Variants in LOXHD1 observed in about 807,000 individuals in gnomAD.
LOXHD1 encodes the protein lipoxygenase homology domain-containing protein 1.
Under a neutral mutation model 248.2 loss-of-function variants are expected in LOXHD1, and 205 were observed. The ratio of observed to expected loss-of-function variants is 0.83; its 90% CI spans 0.74 to 0.93. The LOEUF is 0.93. Among genes scored for constraint, LOXHD1 ranks in the 40% least tolerant of loss-of-function variants. The pLI is 0.00. For synonymous variants in LOXHD1, 1,113 were observed against 1,162.8 expected (o/e 0.96, Z 0.87); for missense variants, 2,930 against 2,971.6 (o/e 0.99, Z 0.33).
chr18:46,510,010 G>C (rs2034860935), intron 34 of LOXHD1, among the ~76,000 whole-genome samples, 195 bp from the exon 35 acceptor site: 1 of 152,206 alleles, frequency 6.6e-6, no homozygotes, highest in Non-Finnish European at 1.5e-5. Flanking sequence ...GGTTAAGTGA[G>C]TTTGGCTAGT....
intron 28 of LOXHD1, 92 bp from the exon 29 acceptor site, chr18:46,529,423 A>G: frequency 7.0e-7 from 1 of 1,424,724 alleles, no homozygotes; most frequent in Non-Finnish European, 9.4e-7. Flanking sequence ...AGGAGGTGCT[A>G]AGCTTCTGGC....
chr18:46,514,444 A>C (rs938340538), intron 34 of LOXHD1, among the ~76,000 whole-genome samples: 11 of 152,222 alleles, frequency 7.2e-5, no homozygotes, highest in Admixed American at 2.6e-4. Flanking sequence ...TCTTCTGCCC[A>C]TGAAGTCCCC....
intron 4 of LOXHD1, 145 bp downstream of exon 4, chr18:46,639,471 C>T: frequency 3.1e-6 from 3 of 974,644 alleles, no homozygotes; most frequent in Non-Finnish European, 4.4e-6. Context: ...GGGGCTTCCC[C>T]TTGGCCCTAA....
intron 34 of LOXHD1, among the ~76,000 whole-genome samples, chr18:46,516,959 T>C (rs1303130988): frequency 6.6e-6 from 1 of 152,124 alleles, no homozygotes; most frequent in Non-Finnish European, 1.5e-5. Context: ...TCATCCACAA[T>C]GTCCTCATCA....
intron 29 of LOXHD1, among the ~76,000 whole-genome samples, chr18:46,526,012 T>C (rs1455795021): frequency 6.6e-6 from 1 of 152,098 alleles, no homozygotes; most frequent in African/African-American, 2.4e-5. Context: ...GCAGCTCAGG[T>C]AGGGAAAGAC....
intron 26 of LOXHD1, among the ~76,000 whole-genome samples, chr18:46,536,783 A>G (rs2036331022): frequency 6.6e-6 from 1 of 152,196 alleles, no homozygotes; most frequent in African/African-American, 2.4e-5. Flanking sequence ...GAAGGTGGGA[A>G]GAGAGCAAGG....
At chr18:46,513,878 G>C (rs2035105132) in intron 34 of LOXHD1, among the ~76,000 whole-genome samples, 1 of 152,220 alleles carries the variant, frequency 6.6e-6, no homozygotes, top group Admixed American at 6.5e-5. Flanking sequence ...GGCTGCCTTG[G>C]AACTCACACA....
chr18:46,576,213 A>T (rs187712013), intron 14 of LOXHD1, among the ~76,000 whole-genome samples: 1 of 152,178 alleles, frequency 6.6e-6, no homozygotes, highest in South Asian at 2.1e-4. Context: ...TTTTGAGTAG[A>T]TAGGAATAAA....
At chr18:46,636,471 T>C (rs2038894290) in intron 4 of LOXHD1, among the ~76,000 whole-genome samples, 1 of 152,204 alleles carries the variant, frequency 6.6e-6, no homozygotes, top group Non-Finnish European at 1.5e-5. Flanking sequence ...TCGACGAGGA[T>C]CTGCCAATCA....
chr18:46,489,783 A>G (rs2033334648), intron 37 of LOXHD1, among the ~76,000 whole-genome samples: 1 of 152,234 alleles, frequency 6.6e-6, no homozygotes, highest in South Asian at 2.1e-4. Context: ...TCTTGAAGGC[A>G]GGGAGTAGGT....
intron 4 of LOXHD1, among the ~76,000 whole-genome samples, chr18:46,632,197 G>A (rs1000580201): frequency 2.6e-5 from 4 of 152,148 alleles, no homozygotes; most frequent in East Asian, 3.9e-4. Flanking sequence ...ACAAGGCTAC[G>A]GAAGTATTTT....
Position 46,521,216 on chromosome 18 carries a change from T to G in LOXHD1, c.5152A>C (p.Thr1718Pro). Residue 1718 changes from threonine to proline, a missense_variant, in exon 33 of 41, where the codon ACC becomes CCC. Coordinates refer to ENST00000642948, the MANE Select transcript of LOXHD1 (RefSeq NM_001384474.1). ...LVEELCLAVP[T>P]QGTKYMLNCN... ...TTCAACATGTACTTGGTGCCCTGGGTGGGCACTGCCAAACACAACTCTTCC... is the reference window on the plus strand; with the variant it reads ...TTCAACATGTACTTGGTGCCCTGGGGGGGCACTGCCAAACACAACTCTTCC... 11 of 1,551,676 alleles carry G rather than the reference T, an allele frequency of 7.1e-6. No homozygotes were observed. Among genetic ancestry groups the G allele is most frequent in the Non-Finnish European group, 9.6e-6 (11 of 1,146,994 alleles).
At chr18:46,616,622 T>C (rs2038591365) in intron 5 of LOXHD1, among the ~76,000 whole-genome samples, 1 of 152,242 alleles carries the variant, frequency 6.6e-6, no homozygotes, top group South Asian at 2.1e-4. Flanking sequence ...TTTCTTGAAG[T>C]ATATCCTTTA....
intron 19 of LOXHD1, 35 bp downstream of exon 19, chr18:46,560,048 T>TCCCACCCCCC: frequency 1.6e-6 from 2 of 1,226,298 alleles, no homozygotes; most frequent in Non-Finnish European, 2.3e-6. Context: ...GTCTGGCCAC[T>TCCCACCCCCC]CCCTCCCCAC....
intron 14 of LOXHD1, among the ~76,000 whole-genome samples, chr18:46,574,609 A>T (rs2037819530): frequency 1.5e-5 from 2 of 137,010 alleles, no homozygotes; most frequent in South Asian, 2.3e-4. Flanking sequence ...ATAAGAACCC[A>T]TTTTCTAAAA....
At chr18:46,492,751 TTACTCAGAGAC>T (rs2033575952) in intron 37 of LOXHD1, among the ~76,000 whole-genome samples, 1 of 152,240 alleles carries the variant, frequency 6.6e-6, no homozygotes, top group Non-Finnish European at 1.5e-5. Context: ...TTGACACCTT[TTACTCAGAGAC>T]AAACTATATC....
intron 5 of LOXHD1, among the ~76,000 whole-genome samples, chr18:46,612,315 C>T (rs2038520321): frequency 1.3e-5 from 2 of 152,106 alleles, no homozygotes; most frequent in South Asian, 4.1e-4. Context: ...AAATTTACCT[C>T]CAAAAATGGT....
chr18:46,636,225 G>T (rs997797659), intron 4 of LOXHD1, among the ~76,000 whole-genome samples: 2 of 152,140 alleles, frequency 1.3e-5, no homozygotes, highest in African/African-American at 4.8e-5. Context: ...TCCCTTTAAG[G>T]GGTTAGAGGT....
chr18:46,631,586 A>G (rs891251129), intron 4 of LOXHD1, among the ~76,000 whole-genome samples: 1 of 152,142 alleles, frequency 6.6e-6, no homozygotes, highest in African/African-American at 2.4e-5. Context: ...TGCAAAAAAG[A>G]GGAGGATGAA....
Sources: gnomAD v4.1 joint callset for allele counts (sites outside exome capture counted in the v4.1 genomes callset) on GRCh38, gnomAD v4.1.1 for gene constraint, MANE v1.5 for transcripts, NCBI Gene and HGNC (gene_info 2026-07-23, HGNC 2026-07-21) for gene names.